DTNB: variants seen among roughly 807,000 people sequenced by gnomAD.
The protein encoded by DTNB is DTN-B.
A neutral mutation model predicts 90.7 loss-of-function variants in DTNB; 63 were observed. The ratio of observed to expected loss-of-function variants is 0.69; its 90% CI spans 0.57 to 0.86. DTNB has a LOEUF of 0.86. DTNB is among the 40% of genes least tolerant of loss of function. DTNB has a pLI of 0.00. For missense variants in DTNB, 744 were observed against 807.1 expected (o/e 0.92, Z 0.95); for synonymous variants, 277 against 286.7 (o/e 0.97, Z 0.34).
At chr2:25,423,058 C>G (rs751647121) in intron 15 of DTNB, among the ~76,000 whole-genome samples, 6 of 152,050 alleles carry the variant, frequency 3.9e-5, no homozygotes, top group Non-Finnish European at 8.8e-5. Flanking sequence ...GTTGTGGTGG[C>G]GGGTGCCTGT....
At chr2:25,450,661 C>A (rs753745630) in intron 12 of DTNB, among the ~76,000 whole-genome samples, 9 of 152,164 alleles carry the variant, frequency 5.9e-5, no homozygotes, top group African/African-American at 1.2e-4. Context: ...AATATTAAAT[C>A]TTTTAATCCA....
chr2:25,627,881 C>T (rs1258333233), intron 4 of DTNB, among the ~76,000 whole-genome samples: 7 of 151,914 alleles, frequency 4.6e-5, no homozygotes, highest in South Asian at 2.1e-4. Flanking sequence ...AGACTACAGG[C>T]GCCCACCACC....
At chr2:25,432,829 G>T in intron 14 of DTNB, 57 bp downstream of exon 14, 2 of 1,520,318 alleles carry the variant, frequency 1.3e-6, no homozygotes, top group South Asian at 1.2e-5. Context: ...GGTTTCCTCA[G>T]ATAAGTTCCA....
chr2:25,432,416 G>A (rs2054207828), intron 14 of DTNB, among the ~76,000 whole-genome samples: 2 of 152,090 alleles, frequency 1.3e-5, no homozygotes, highest in African/African-American at 4.8e-5. Context: ...TTGTTTAGAA[G>A]CCATGGTGCA....
intron 16 of DTNB, among the ~76,000 whole-genome samples, chr2:25,409,799 C>T (rs1225906838): frequency 6.6e-6 from 1 of 152,170 alleles, no homozygotes; most frequent in African/African-American, 2.4e-5. Context: ...CCCTAAGGCT[C>T]ACGTTTATGG....
chr2:25,588,306 C>G (rs560891110), intron 6 of DTNB, among the ~76,000 whole-genome samples: 1 of 152,122 alleles, frequency 6.6e-6, no homozygotes, highest in South Asian at 2.1e-4. Context: ...TCTGTCCACA[C>G]CTTTCTGCAT....
chr2:25,627,928 G>C (rs983331304), intron 4 of DTNB, among the ~76,000 whole-genome samples: 1 of 151,948 alleles, frequency 6.6e-6, no homozygotes. Flanking sequence ...AGTAGAGACG[G>C]GGTTTCACCG....
chr2:25,562,332 G>A lies in DTNB; in HGVS notation c.876+14506C>T, dbSNP rs115031423. ...ACTACACTTTGTCCAGTCACCAGTT[G>A]ATGGACATTTGGGTTATTTCCACTT... is the stretch of plus-strand genomic sequence containing the variant. On this transcript the variant is annotated intron_variant, in intron 8 of 20. Coordinates refer to ENST00000406818, the MANE Select transcript of DTNB (RefSeq NM_021907.5). Among the ~76,000 whole-genome samples the A allele has an allele frequency of 7.0e-3, 1,060 of 152,270 alleles. 13 individuals are homozygous for A. The highest frequency in any genetic ancestry group is 0.022 in the African/African-American group (923 of 41,538).
intron 1 of DTNB, among the ~76,000 whole-genome samples, chr2:25,653,575 G>C (rs1233120599): frequency 7.0e-6 from 1 of 143,356 alleles, no homozygotes; most frequent in Non-Finnish European, 1.5e-5. Flanking sequence ...GCAGTGGTGC[G>C]ATCTCAGCTT....
chr2:25,523,046 A>T (rs974633488), intron 9 of DTNB, among the ~76,000 whole-genome samples: 3 of 152,134 alleles, frequency 2.0e-5, no homozygotes, highest in Non-Finnish European at 4.4e-5. Context: ...ATTTGTACTA[A>T]TTTATTATTT....
chr2:25,570,258 A>C (rs1424570722), intron 8 of DTNB, among the ~76,000 whole-genome samples: 1 of 151,826 alleles, frequency 6.6e-6, no homozygotes, highest in Non-Finnish European at 1.5e-5. Flanking sequence ...CTCTACAAAA[A>C]TTATCTGGGA....
chr2:25,603,420 A>G (rs2066329070), intron 5 of DTNB, among the ~76,000 whole-genome samples: 1 of 152,234 alleles, frequency 6.6e-6, no homozygotes, highest in Non-Finnish European at 1.5e-5. Context: ...AATCTAGGAC[A>G]TAGTCTCTAA....
intron 5 of DTNB, chr2:25,599,055 G>A (rs898472717): frequency 5.9e-5 from 9 of 151,652 alleles, no homozygotes; most frequent in African/African-American, 2.2e-4. Context: ...AATGGAATTG[G>A]AGACACCAGC....
At chr2:25,669,359 T>C (rs1183424780) in intron 1 of DTNB, among the ~76,000 whole-genome samples, 2 of 152,228 alleles carry the variant, frequency 1.3e-5, no homozygotes, top group East Asian at 1.9e-4. Flanking sequence ...CTTTTCATTA[T>C]ACCATACATA....
intron 10 of DTNB, among the ~76,000 whole-genome samples, chr2:25,465,232 C>T (rs1210367792): frequency 2.0e-5 from 3 of 151,884 alleles, no homozygotes; most frequent in East Asian, 1.9e-4. Context: ...AAAAATTAGC[C>T]GGGCGTGGTG....
chr2:25,483,886 A>T (rs990793626), intron 9 of DTNB, among the ~76,000 whole-genome samples: 9 of 152,232 alleles, frequency 5.9e-5, no homozygotes, highest in Non-Finnish European at 1.2e-4. Context: ...CATACATTAT[A>T]ACAGATTATA....
chr2:25,583,894 T>C (rs1379459249), intron 6 of DTNB, among the ~76,000 whole-genome samples: 1 of 151,972 alleles, frequency 6.6e-6, no homozygotes, highest in Non-Finnish European at 1.5e-5. Flanking sequence ...CCCTCATAAA[T>C]AAACTTAGGA....
At chr2:25,512,656 T>C (rs1487272279) in intron 9 of DTNB, among the ~76,000 whole-genome samples, 2 of 152,214 alleles carry the variant, frequency 1.3e-5, no homozygotes, top group African/African-American at 4.8e-5. Context: ...AGTTAGCTAC[T>C]TGGAGGGTTT....
intron 16 of DTNB, among the ~76,000 whole-genome samples, chr2:25,391,366 G>A (rs1211951827): frequency 1.3e-5 from 2 of 152,062 alleles, no homozygotes; most frequent in Non-Finnish European, 2.9e-5. Flanking sequence ...TATGATACAT[G>A]ATCTATATAT....
Sources: gnomAD v4.1 joint callset for allele counts (sites outside exome capture counted in the v4.1 genomes callset) on GRCh38, gnomAD v4.1.1 for gene constraint, MANE v1.5 for transcripts, NCBI Gene and HGNC (gene_info 2026-07-23, HGNC 2026-07-21) for gene names.